NCBP1: variants seen among roughly 807,000 people sequenced by gnomAD.
NCBP1 encodes the protein nuclear cap binding protein subunit 1.
A neutral mutation model predicts 111.7 loss-of-function variants in NCBP1; 16 were observed. That is an observed-to-expected ratio of 0.14 (90% confidence interval 0.10 to 0.22). The LOEUF is 0.22. NCBP1 is among the 10% of genes least tolerant of loss of function. The probability of loss-of-function intolerance (pLI) is 1.00; values close to 1 mark genes in which losing one functional copy is unlikely to be tolerated. For synonymous variants in NCBP1, 304 were observed against 314.3 expected, an observed-to-expected ratio of 0.97 and a Z score of 0.35; for missense variants, 607 against 957.5, an observed-to-expected ratio of 0.63 and a Z score of 4.83.
chr9:97,654,025 TTGTG>T (rs529955360), intron 11 of NCBP1, 117 bp downstream of exon 11: 2 of 775,520 alleles, frequency 2.6e-6, no homozygotes, highest in Non-Finnish European at 2.1e-6. Context: ...TTGAAGTGTG[TTGTG>T]TGTGTGTATT....
chr9:97,634,076 C>A (rs1412393545), intron 1 of NCBP1, among the ~76,000 whole-genome samples, 161 bp downstream of exon 1: 1 of 152,238 alleles, frequency 6.6e-6, no homozygotes, highest in African/African-American at 2.4e-5. Flanking sequence ...GGTCGGGCGG[C>A]TTCTAGAAAG....
At chr9:97,659,085 T>C (rs941099504) in intron 15 of NCBP1, among the ~76,000 whole-genome samples, 3 of 152,248 alleles carry the variant, frequency 2.0e-5, no homozygotes, top group Non-Finnish European at 2.9e-5. Context: ...AGGTGTGGTA[T>C]TGAGAACATA....
intron 22 of NCBP1, 39 bp downstream of exon 22, chr9:97,669,745 C>T (rs2131371816): frequency 7.4e-7 from 1 of 1,355,962 alleles, no homozygotes; most frequent in South Asian, 1.2e-5. Flanking sequence ...ACACTATTCT[C>T]AGCCACAAAG....
Position 97,633,822 on chromosome 9 carries a change from G to C in NCBP1, c.-60G>C, listed in dbSNP as rs1212157544. The C allele has an allele frequency of 5.2e-6, 8 of 1,534,858 alleles. No homozygotes were observed. The highest frequency in any genetic ancestry group is 5.1e-5 in the East Asian group (2 of 39,602). ...CTGTCCTTGCGTCGGCCAGCGGCCA[G>C]ACAGTTCCTGCAGCGCTTACCGCCT... On this transcript the variant is annotated 5_prime_UTR_variant, in exon 1 of 23. Transcript: ENST00000375147.
chr9:97,652,586 C>T (rs1827529162), intron 10 of NCBP1, among the ~76,000 whole-genome samples: 1 of 152,218 alleles, frequency 6.6e-6, no homozygotes, highest in South Asian at 2.1e-4. Context: ...TGCCTCTGCA[C>T]TCCAGCCTGG....
chr9:97,669,527 A>G, intron 21 of NCBP1, 66 bp from the exon 22 acceptor site: 2 of 1,114,300 alleles, frequency 1.8e-6, no homozygotes, highest in South Asian at 2.6e-5. Flanking sequence ...TTTCTTTGTC[A>G]TGAATTTTTT....
At chr9:97,643,914 C>T (rs1018392299) in intron 4 of NCBP1, among the ~76,000 whole-genome samples, 1 of 152,056 alleles carries the variant, frequency 6.6e-6, no homozygotes, top group Non-Finnish European at 1.5e-5. Context: ...ACAGTGGCAC[C>T]AGACTGGTCT....
chr9:97,655,774 GGTTT>G lies in NCBP1; in HGVS notation c.1298+15_1298+18del. The G allele has an allele frequency of 1.2e-6, 2 of 1,605,124 alleles. No individual in the cohort carries two copies. Among genetic ancestry groups the G allele is most frequent in the South Asian group, 1.1e-5 (1 of 88,666 alleles). On this transcript the variant is annotated intron_variant, in intron 13 of 22. Transcript: ENST00000375147. Reference sequence around the variant, plus strand: ...GGAGCTGGGAAGATTGGTAAGTGATGGTTTGTTTTATCTTTTTCTGTAGTCAAAA... The same window carrying G: ...GGAGCTGGGAAGATTGGTAAGTGATGGTTTTATCTTTTTCTGTAGTCAAAA...
At chr9:97,663,820 T>G (rs1012475475) in intron 18 of NCBP1, among the ~76,000 whole-genome samples, 3 of 151,390 alleles carry the variant, frequency 2.0e-5, no homozygotes, top group Non-Finnish European at 4.4e-5. Context: ...CCATTCAGAG[T>G]TTTTGTTTAG....
intron 1 of NCBP1, among the ~76,000 whole-genome samples, chr9:97,640,398 G>A (rs996110625): frequency 3.3e-5 from 5 of 151,984 alleles, no homozygotes; most frequent in African/African-American, 4.8e-5. Flanking sequence ...AACAGGTTTC[G>A]GAACAAGCAA....
intron 1 of NCBP1, chr9:97,636,008 A>G (rs1587992051): frequency 1.3e-5 from 2 of 152,354 alleles, no homozygotes; most frequent in African/African-American, 4.8e-5. Context: ...GCTGGCAGCC[A>G]AATCACTGTC....
Position 97,640,902 on chromosome 9 carries a change from C to T in NCBP1, c.123+20C>T, listed in dbSNP as rs780712432. 4.9e-5 allele frequency: 76 copies of T among 1,537,926 alleles called. 1 individual carries two copies. The Admixed American group carries it at 9.5e-4, about 19-fold the overall frequency. On this transcript the variant is annotated intron_variant, in intron 2 of 22. Coordinates refer to ENST00000375147, the MANE Select transcript of NCBP1 (RefSeq NM_002486.5). ...GAAAAGGTATGTCACACAATAGGCA[C>T]AGGCTGTGATGGGTTTAAGAATGTG...
chr9:97,635,568 G>A (rs1486153618), intron 1 of NCBP1, among the ~76,000 whole-genome samples: 1 of 151,834 alleles, frequency 6.6e-6, no homozygotes, highest in Non-Finnish European at 1.5e-5. Context: ...GGGCCACCAC[G>A]CCCGGCTAAT....
chr9:97,654,959 T>C lies in NCBP1; in HGVS notation c.1235+15T>C. The C allele has an allele frequency of 1.9e-6, 3 of 1,562,278 alleles. No individual in the cohort carries two copies. Among genetic ancestry groups the C allele is most frequent in the Non-Finnish European group, 2.6e-6 (3 of 1,155,002 alleles). Reference sequence around the variant, plus strand: ...TGTGTAGACAGGTACAGTAATCGCTTTACTGCTGAGCTGAGTTAGCAGCTT... The same window carrying C: ...TGTGTAGACAGGTACAGTAATCGCTCTACTGCTGAGCTGAGTTAGCAGCTT... On this transcript the variant is annotated intron_variant, in intron 12 of 22. Coordinates refer to ENST00000375147, the MANE Select transcript of NCBP1 (RefSeq NM_002486.5).
intron 10 of NCBP1, among the ~76,000 whole-genome samples, chr9:97,652,770 G>A (rs1827534873): frequency 1.3e-5 from 2 of 152,228 alleles, no homozygotes; most frequent in Admixed American, 6.5e-5. Flanking sequence ...AAAAAGTACT[G>A]TGTATTTCCT....
intron 20 of NCBP1, among the ~76,000 whole-genome samples, chr9:97,667,324 A>G (rs1204234178): frequency 1.3e-5 from 2 of 152,176 alleles, no homozygotes; most frequent in Admixed American, 6.5e-5. Context: ...TATTTTAGCC[A>G]TTTTGGAGGG....
In NCBP1 at chr9:97,661,636, A is replaced by G. The variant is rs144780979; in HGVS notation, c.1601-406A>G. 4.2e-4 allele frequency among the ~76,000 whole-genome samples: 63 copies of G among 151,728 alleles called. 1 individual carries two copies. Among genetic ancestry groups the G allele is most frequent in the African/African-American group, 1.4e-3 (57 of 41,436 alleles). The stretch of plus-strand genomic sequence containing the variant: ...GTTTGGATATCTCTAAGAAATTTGT[A>G]TTATGATATTAGAGAAAATGAGTTT... On this transcript the variant is annotated intron_variant, in intron 16 of 22. Transcript: ENST00000375147.
At chr9:97,665,881 G>T (rs964949480) in intron 19 of NCBP1, among the ~76,000 whole-genome samples, 1 of 151,824 alleles carries the variant, frequency 6.6e-6, no homozygotes, top group African/African-American at 2.4e-5. Flanking sequence ...TATTTGTGTT[G>T]TATGTGTTAT....
chr9:97,658,603 T>C, intron 14 of NCBP1, 37 bp from the exon 15 acceptor site: 1 of 1,498,470 alleles, frequency 6.7e-7, no homozygotes, highest in Non-Finnish European at 9.3e-7. Flanking sequence ...ATGGGACTGA[T>C]AAAAGATATT....
Sources: allele counts gnomAD v4.1 joint callset (sites outside exome capture counted in the v4.1 genomes callset), GRCh38; gene constraint gnomAD v4.1.1; transcripts MANE v1.5; gene names NCBI Gene and HGNC (gene_info 2026-07-23, HGNC 2026-07-21).